ATRNL1: variants seen among roughly 807,000 people sequenced by gnomAD.
The protein encoded by ATRNL1 is attractin-like protein 1.
A neutral mutation model predicts 182.7 loss-of-function variants in ATRNL1; 95 were observed. The observed-to-expected ratio is 0.52, with a 90% CI of 0.44 to 0.62. The LOEUF is 0.62. Among genes scored for constraint, ATRNL1 ranks in the 20% least tolerant of loss-of-function variants. The pLI is 0.00. For synonymous variants in ATRNL1, 576 were observed against 568.3 expected (o/e 1.01, Z -0.19); for missense variants, 1,471 against 1,679.5 (o/e 0.88, Z 2.17).
chr10:115,295,775 G>C (rs1853153302), intron 15 of ATRNL1, among the ~76,000 whole-genome samples: 1 of 152,100 alleles, frequency 6.6e-6, no homozygotes, highest in South Asian at 2.1e-4. Context: ...TGGTTTCCCT[G>C]CTGTGTAGGA....
At chr10:115,408,626 T>G (rs146674943) in intron 20 of ATRNL1, among the ~76,000 whole-genome samples, 51 of 152,168 alleles carry the variant, frequency 3.4e-4, no homozygotes, top group African/African-American at 1.2e-3. Context: ...TGAAGTCTTA[T>G]TCATAAAATC....
At chr10:115,397,306 T>C (rs1466025900) in intron 20 of ATRNL1, among the ~76,000 whole-genome samples, 1 of 151,958 alleles carries the variant, frequency 6.6e-6, no homozygotes, top group Non-Finnish European at 1.5e-5. Flanking sequence ...ACATTAGTGA[T>C]TTAATATGCT....
chr10:115,929,255 A>G (rs1222876979), intron 28 of ATRNL1, among the ~76,000 whole-genome samples: 1 of 152,106 alleles, frequency 6.6e-6, no homozygotes, highest in African/African-American at 2.4e-5. Flanking sequence ...GAATTTGTGT[A>G]ATAATAAACA....
intron 26 of ATRNL1, among the ~76,000 whole-genome samples, chr10:115,658,763 G>A (rs1860494122): frequency 6.6e-6 from 1 of 152,088 alleles, no homozygotes; most frequent in Non-Finnish European, 1.5e-5. Flanking sequence ...TTTTCTCAAG[G>A]TAGCCATCTG....
chr10:115,328,241 C>G (rs1855022246), intron 18 of ATRNL1, among the ~76,000 whole-genome samples: 1 of 151,520 alleles, frequency 6.6e-6, no homozygotes, highest in Admixed American at 6.6e-5. Flanking sequence ...AGTAAGATAC[C>G]CATCAGCTTT....
In ATRNL1 at chr10:115,764,458, C is replaced by T. The variant is rs115261459; in HGVS notation, c.3903+37103C>T. Among the ~76,000 whole-genome samples, 413 of 152,204 alleles carry T rather than the reference C, an allele frequency of 2.7e-3. 5 individuals are homozygous for T. Among genetic ancestry groups the T allele is most frequent in the African/African-American group, 9.5e-3 (395 of 41,554 alleles). ...TGCCCTAAAAATTCTCTGTACTCTG[C>T]CTATGCGTCCCCACACCCACTCCTG... On this transcript the variant is annotated intron_variant, in intron 27 of 28. Coordinates refer to ENST00000355044, the MANE Select transcript of ATRNL1 (RefSeq NM_207303.4).
chr10:115,693,308 C>T (rs1440741401), intron 26 of ATRNL1, among the ~76,000 whole-genome samples: 1 of 152,014 alleles, frequency 6.6e-6, no homozygotes, highest in East Asian at 1.9e-4. Context: ...TACCAATAGT[C>T]TAAGATTCTA....
intron 28 of ATRNL1, among the ~76,000 whole-genome samples, chr10:115,917,326 C>T (rs1160280304): frequency 2.6e-5 from 4 of 151,854 alleles, no homozygotes; most frequent in South Asian, 4.2e-4. Flanking sequence ...AAAAATTAGC[C>T]GGGCATGGCG....
intron 14 of ATRNL1, among the ~76,000 whole-genome samples, chr10:115,283,450 C>T (rs1852465799): frequency 6.6e-6 from 1 of 152,038 alleles, no homozygotes; most frequent in Non-Finnish European, 1.5e-5. Context: ...CATTGAGGCG[C>T]TGGAATGTCA....
intron 18 of ATRNL1, among the ~76,000 whole-genome samples, chr10:115,323,283 G>A (rs1854679594): frequency 6.6e-6 from 1 of 151,794 alleles, no homozygotes; most frequent in South Asian, 2.1e-4. Flanking sequence ...TTCTTCTAGT[G>A]TATGTTATTG....
At chr10:115,369,407 G>A (rs144398360) in intron 19 of ATRNL1, among the ~76,000 whole-genome samples, 5 of 151,974 alleles carry the variant, frequency 3.3e-5, no homozygotes, top group Admixed American at 3.3e-4. Context: ...TCTGTGAGCG[G>A]GATTGGGGTT....
chr10:115,330,872 C>A (rs1458255731), intron 18 of ATRNL1, among the ~76,000 whole-genome samples: 1 of 151,558 alleles, frequency 6.6e-6, no homozygotes, highest in Admixed American at 6.6e-5. Context: ...GCTTTCTTCC[C>A]CATTTTCATT....
chr10:115,688,435 A>G lies in ATRNL1; in HGVS notation c.3796-38813A>G, dbSNP rs1019987995. Reference sequence around the variant, plus strand: ...ACTAATTTACATTCCCACCAACAACATATGAGTTACCTGTTCTCTGCATCC... The same window carrying G: ...ACTAATTTACATTCCCACCAACAACGTATGAGTTACCTGTTCTCTGCATCC... On this transcript the variant is annotated intron_variant, in intron 26 of 28. Coordinates refer to ENST00000355044, the MANE Select transcript of ATRNL1 (RefSeq NM_207303.4). 2.6e-5 allele frequency among the ~76,000 whole-genome samples: 4 copies of G among 152,234 alleles called. No homozygotes were observed. In the East Asian group the frequency reaches 5.8e-4, roughly 22 times the overall value.
chr10:115,546,218 A>C (rs1554993640), intron 25 of ATRNL1, among the ~76,000 whole-genome samples: 1 of 152,112 alleles, frequency 6.6e-6, no homozygotes, highest in Non-Finnish European at 1.5e-5. Flanking sequence ...TGAAATTCAG[A>C]AAAATGAACC....
intron 26 of ATRNL1, among the ~76,000 whole-genome samples, chr10:115,592,721 G>T (rs2804206): frequency 0.48 from 72,482 of 152,072 alleles, 18,738 homozygotes; most frequent in East Asian, 0.84. Context: ...GAAATCATCT[G>T]TTTTATTTCT....
intron 25 of ATRNL1, among the ~76,000 whole-genome samples, chr10:115,534,992 G>A (rs1310039584): frequency 6.6e-6 from 1 of 152,114 alleles, no homozygotes; most frequent in Non-Finnish European, 1.5e-5. Flanking sequence ...TAGTCTGATG[G>A]GCTTCCCTTT....
intron 27 of ATRNL1, among the ~76,000 whole-genome samples, chr10:115,846,070 C>T (rs1950920862): frequency 6.6e-6 from 1 of 151,978 alleles, no homozygotes; most frequent in African/African-American, 2.4e-5. Context: ...TTTTACTTAA[C>T]ATTTTCAAAA....
chr10:115,238,797 T>G (rs1465405608), intron 9 of ATRNL1, among the ~76,000 whole-genome samples: 1 of 152,198 alleles, frequency 6.6e-6, no homozygotes, highest in Non-Finnish European at 1.5e-5. Context: ...ATAGAAATGG[T>G]GAGATGAAAC....
chr10:115,651,815 C>T (rs1023490327), intron 26 of ATRNL1, among the ~76,000 whole-genome samples: 1 of 152,014 alleles, frequency 6.6e-6, no homozygotes, highest in African/African-American at 2.4e-5. Context: ...TTTTTCTTTA[C>T]CGATGATTGG....
Sources: gnomAD v4.1 joint callset for allele counts (sites outside exome capture counted in the v4.1 genomes callset) on GRCh38, gnomAD v4.1.1 for gene constraint, MANE v1.5 for transcripts, NCBI Gene and HGNC (gene_info 2026-07-23, HGNC 2026-07-21) for gene names.